The following CYP4F2 variants were observed in gnomAD, a reference collection of about 807,000 sequenced individuals.
CYP4F2 encodes cytochrome P450 4F2.
In CYP4F2, 58 loss-of-function variants were observed where a neutral mutation model predicts 58.9. The ratio of observed to expected loss-of-function variants is 0.98; its 90% CI spans 0.80 to 1.23. CYP4F2 has a LOEUF of 1.23. Among genes scored for constraint, CYP4F2 ranks in the 50% most tolerant of loss-of-function variants. CYP4F2 has a pLI of 0.00. For missense variants in CYP4F2, 616 were observed against 685.6 expected, an observed-to-expected ratio of 0.90 and a Z score of 1.13; for synonymous variants, 287 against 261.1, an observed-to-expected ratio of 1.10 and a Z score of -0.95.
chr19:15,886,159 G>A, intron 8 of CYP4F2, 83 bp downstream of exon 8: 1 of 1,608,274 alleles, frequency 6.2e-7, no homozygotes, highest in East Asian at 2.2e-5. Flanking sequence ...AAGGGGGATG[G>A]GAAGGTTGTG....
intron 9 of CYP4F2, among the ~76,000 whole-genome samples, chr19:15,881,801 TAA>T (rs563702923): frequency 2.1e-5 from 3 of 141,686 alleles, no homozygotes; most frequent in Non-Finnish European, 3.1e-5. Context: ...CATTCAGCCT[TAA>T]AAAAAAAAAA....
intron 7 of CYP4F2, among the ~76,000 whole-genome samples, chr19:15,888,723 A>G (rs1282653253): frequency 1.3e-5 from 2 of 152,226 alleles, no homozygotes; most frequent in African/African-American, 4.8e-5. Context: ...ATAAACATAG[A>G]CATAGACAGA....
Position 15,897,472 on chromosome 19 carries a change from C to T in CYP4F2, c.140G>A (p.Arg47His), listed in dbSNP as rs570092372. 4.8e-5 allele frequency: 77 copies of T among 1,613,878 alleles called. No homozygotes were observed. The highest frequency in any genetic ancestry group is 3.3e-4 in the South Asian group (30 of 91,060). ...WTYAFYDNCR[R>H]LRCFPQPPRR... is the part of the protein sequence containing the mutation. ...TGGGGGTTGTGGGAAACACCGAAGGCGGCGGCAGTTGTCATAGAAGGCGTA... is the reference window on the plus strand; with the variant it reads ...TGGGGGTTGTGGGAAACACCGAAGGTGGCGGCAGTTGTCATAGAAGGCGTA... Residue 47 changes from arginine (R) to histidine (H), a missense_variant, in exon 2 of 13, where the codon CGC becomes CAC. Coordinates refer to ENST00000221700, the MANE Select transcript of CYP4F2 (RefSeq NM_001082.5).
intron 7 of CYP4F2, 141 bp downstream of exon 7, chr19:15,889,282 C>T (rs1024265731): frequency 1.3e-6 from 2 of 1,509,064 alleles, no homozygotes; most frequent in Non-Finnish European, 1.8e-6. Flanking sequence ...TCTCTAAAAC[C>T]TATCTCTGAC....
chr19:15,880,354 C>T (rs757604267), intron 9 of CYP4F2, among the ~76,000 whole-genome samples: 1 of 151,966 alleles, frequency 6.6e-6, no homozygotes, highest in African/African-American at 2.4e-5. Context: ...TTTGGCTGGG[C>T]GTGGTGGCTC....
intron 9 of CYP4F2, among the ~76,000 whole-genome samples, chr19:15,880,919 T>C (rs1425956874): frequency 6.6e-6 from 1 of 152,214 alleles, no homozygotes; most frequent in Non-Finnish European, 1.5e-5. Flanking sequence ...TAATTAAAAT[T>C]GTACAGTGCA....
intron 7 of CYP4F2, among the ~76,000 whole-genome samples, chr19:15,887,112 C>T (rs4808400): frequency 0.46 from 69,267 of 152,026 alleles, 15,931 homozygotes; most frequent in South Asian, 0.54. Flanking sequence ...CACAAACACA[C>T]ATAGACAAAG....
Position 15,895,597 on chromosome 19 carries a change from G to T in CYP4F2, c.252C>A (p.Tyr84Ter), listed in dbSNP as rs1053728913. 1.0e-5 allele frequency: 16 copies of T among 1,594,236 alleles called. No homozygotes were observed. Among genetic ancestry groups the T allele is most frequent in the African/African-American group, 1.4e-5 (1 of 73,482 alleles). ...MRVLTQLVAT[Y>*]PQGFKVWMGP... ...CCATCCAGACCTTAAAGCCCTGGGG[G>T]TAGGTGGCCACCAGCTGAGTCAGAA... Residue 84 changes from tyrosine to a stop codon, truncating the protein, a stop_gained, in exon 3 of 13, where the codon TAC (tyrosine) becomes TAA (stop). Transcript: ENST00000221700. LOFTEE classifies it high-confidence loss of function.
At chr19:15,893,045 A>C (rs1361404000) in intron 3 of CYP4F2, among the ~76,000 whole-genome samples, 1 of 152,158 alleles carries the variant, frequency 6.6e-6, no homozygotes, top group Admixed American at 6.5e-5. Context: ...AATACATGAC[A>C]ATTCCTAACA....
chr19:15,885,198 C>G (rs3093169), intron 9 of CYP4F2, among the ~76,000 whole-genome samples: 2,022 of 151,812 alleles, frequency 0.013, 57 homozygotes, highest in African/African-American at 0.047. Flanking sequence ...CACTGCCCCC[C>G]AACTGTACCC....
intron 5 of CYP4F2, among the ~76,000 whole-genome samples, chr19:15,891,025 A>G (rs1394163321): frequency 6.6e-6 from 1 of 152,242 alleles, no homozygotes; most frequent in African/African-American, 2.4e-5. Flanking sequence ...AATTGATTTC[A>G]AAAATATCCC....
chr19:15,880,044 G>T, intron 9 of CYP4F2, 147 bp from the exon 10 acceptor site: 1 of 1,532,640 alleles, frequency 6.5e-7, no homozygotes, highest in Non-Finnish European at 8.7e-7. Context: ...AATAAAAATA[G>T]TGTGGCACTG....
At chr19:15,885,084 G>GCTCTCTCTCTCTCTCCTTCT (rs2089368929) in intron 9 of CYP4F2, among the ~76,000 whole-genome samples, 1 of 149,998 alleles carries the variant, frequency 6.7e-6, no homozygotes, top group South Asian at 2.1e-4. Context: ...TCCTGACCCT[G>GCTCTCTCTCTCTCTCCTTCT]CTCTCTCTCT....
intron 7 of CYP4F2, 155 bp from the exon 8 acceptor site, chr19:15,886,463 A>T (rs2089381010): frequency 2.1e-6 from 2 of 958,596 alleles, no homozygotes; most frequent in African/African-American, 1.6e-5. Context: ...CCTCTTGGTC[A>T]CCATGGCCAG....
At chr19:15,885,682 G>A (rs1050302652) in intron 9 of CYP4F2, among the ~76,000 whole-genome samples, 45 of 152,128 alleles carry the variant, frequency 3.0e-4, no homozygotes, top group African/African-American at 7.7e-4. Context: ...TCTAAGTGGC[G>A]TTATCTGTCC....
chr19:15,879,779 G>A lies in CYP4F2; in HGVS notation c.1234C>T (p.Arg412Trp), dbSNP rs761264883. 15 of 1,613,976 alleles carry A rather than the reference G, an allele frequency of 9.3e-6. No homozygotes were observed. Among genetic ancestry groups the A allele is most frequent in the African/African-American group, 2.7e-5 (2 of 74,926 alleles). ...CTGTGAGCACCTTTGGGGATGACCC[G>A]GCCGTCTGGGAGCACAATGTCCTGG... is the stretch of plus-strand genomic sequence containing the variant. ...VTQDIVLPDG[R>W]VIPKGIICLI... The change falls in exon 10 of 13, where the codon CGG becomes TGG. Residue 412 changes from arginine to tryptophan, a missense_variant. Physicochemically the swap from Arg to Trp is moderately radical, Grantham distance 101. Coordinates refer to ENST00000221700, the MANE Select transcript of CYP4F2 (RefSeq NM_001082.5).
At chr19:15,887,026 C>CATGGG (rs2089384261) in intron 7 of CYP4F2, among the ~76,000 whole-genome samples, 1 of 152,250 alleles carries the variant, frequency 6.6e-6, no homozygotes, top group Non-Finnish European at 1.5e-5. Flanking sequence ...GTGAGCAAGA[C>CATGGG]ATGGGCTGCT....
chr19:15,894,257 C>T (rs2089435442), intron 3 of CYP4F2, among the ~76,000 whole-genome samples: 1 of 152,196 alleles, frequency 6.6e-6, no homozygotes, highest in African/African-American at 2.4e-5. Context: ...AACCAACAAA[C>T]TTCTTTGTGC....
At position 15,886,209 on chromosome 19, in the gene CYP4F2, G is replaced by A. The variant is rs771928599; in HGVS notation, c.985+33C>T. The A allele has an allele frequency of 1.3e-5, 21 of 1,613,708 alleles. No individual in the cohort carries two copies. The African/African-American group carries it at 2.7e-4, about 20-fold the overall frequency. ...CTGTTCCTGGAAGGGAGAGATCCCG[G>A]TCCCCTCTCTAGCCCCACACTGGGG... On this transcript the variant is annotated intron_variant, in intron 8 of 12. Transcript: ENST00000221700.
Sources: allele counts gnomAD v4.1 joint callset (sites outside exome capture counted in the v4.1 genomes callset), GRCh38; gene constraint gnomAD v4.1.1; transcripts MANE v1.5; gene names NCBI Gene and HGNC (gene_info 2026-07-23, HGNC 2026-07-21).